Variants in GAB2 observed in about 807,000 individuals in gnomAD.
GAB2 encodes the protein GRB2 associated binding protein 2.
Under a neutral mutation model 65.5 loss-of-function variants are expected in GAB2, and 26 were observed. That is an observed-to-expected ratio of 0.40 (90% CI 0.29 to 0.55). GAB2 has a LOEUF of 0.55. Ranked by LOEUF, GAB2 falls within the 20% of genes least tolerant of loss-of-function variation. The pLI is 0.53. For missense variants in GAB2, 884 were observed against 875.8 expected, an observed-to-expected ratio of 1.01 and a Z score of -0.12; for synonymous variants, 321 against 329.6, an observed-to-expected ratio of 0.97 and a Z score of 0.28.
rs376433189 is a variant in GAB2 at position 78,280,860 on chromosome 11, C to G, written c.117G>C (p.Met39Ile). The stretch of plus-strand genomic sequence containing the variant: ...ATTCCAGAACATCTGGGTCACCGCT[C>G]ATCCGGCCACTCCGCAGGATAAACC... The part of the protein sequence containing the change: ...KRWFILRSGR[M>I]SGDPDVLEYY... The change falls in exon 2 of 10, where the codon ATG (methionine) becomes ATC (isoleucine). Residue 39 changes from methionine to isoleucine, a missense_variant. Coordinates refer to ENST00000361507, the MANE Select transcript of GAB2 (RefSeq NM_080491.3). 6.2e-7 allele frequency: 1 copy of G among 1,614,128 alleles called. No homozygotes were observed. The highest frequency in any genetic ancestry group is 1.7e-5 in the Admixed American group (1 of 60,020).
intron 3 of GAB2, 85 bp downstream of exon 3, chr11:78,250,072 C>A: frequency 7.2e-7 from 1 of 1,382,544 alleles, no homozygotes; most frequent in Non-Finnish European, 1.0e-6. Flanking sequence ...TAATGTTTTG[C>A]TTGTCTTTAA....
chr11:78,263,676 C>T (rs530842974), intron 2 of GAB2, among the ~76,000 whole-genome samples: 28 of 150,444 alleles, frequency 1.9e-4, no homozygotes, highest in Non-Finnish European at 2.8e-4. Context: ...ATATGGTAAA[C>T]TTGTACTAAC....
chr11:78,364,834 TAC>T (rs1423830224), intron 1 of GAB2, among the ~76,000 whole-genome samples: 22 of 152,340 alleles, frequency 1.4e-4, no homozygotes, highest in African/African-American at 3.1e-4. Context: ...ATTCAGTAGA[TAC>T]AGAGTGAGAT....
chr11:78,236,885 T>C, intron 3 of GAB2, among the ~76,000 whole-genome samples: 1 of 152,228 alleles, frequency 6.6e-6, no homozygotes, highest in East Asian at 1.9e-4. Context: ...AATATATATA[T>C]TGTCCCAAAC....
Position 78,218,706 on chromosome 11 carries a change from TG to T in GAB2, c.*565del, listed in dbSNP as rs2134447218. 1 of 153,344 alleles carries T rather than the reference TG, an allele frequency of 6.5e-6. No homozygotes were observed. The highest frequency in any genetic ancestry group is 1.5e-5 in the Non-Finnish European group (1 of 68,420). 9.5% of individuals were successfully genotyped at this position (153,344 alleles called of 1,614,324 possible). On this transcript the variant is annotated 3_prime_UTR_variant, in exon 10 of 10. Transcript: ENST00000361507. The stretch of plus-strand genomic sequence containing the variant: ...TAAGTCCTTTACCCCTCAAGACCAC[TG>T]CTGAGCCTCCGTCTCCACCATCTCC...
chr11:78,311,139 A>G (rs1855491853), intron 1 of GAB2, among the ~76,000 whole-genome samples: 1 of 152,228 alleles, frequency 6.6e-6, no homozygotes, highest in Non-Finnish European at 1.5e-5. Context: ...CAACTTCATA[A>G]AATATACATC....
At chr11:78,400,483 T>C (rs1856954980) in intron 1 of GAB2, among the ~76,000 whole-genome samples, 1 of 152,198 alleles carries the variant, frequency 6.6e-6, no homozygotes, top group South Asian at 2.1e-4. Flanking sequence ...TAAACACCTG[T>C]CAAAATTAAT....
intron 2 of GAB2, among the ~76,000 whole-genome samples, chr11:78,271,375 A>G (rs966264852): frequency 6.6e-6 from 1 of 152,238 alleles, no homozygotes; most frequent in Non-Finnish European, 1.5e-5. Context: ...ATGATATAGC[A>G]TCTTGATATG....
intron 1 of GAB2, among the ~76,000 whole-genome samples, chr11:78,374,541 C>T (rs940055362): frequency 6.6e-6 from 1 of 152,118 alleles, no homozygotes; most frequent in Non-Finnish European, 1.5e-5. Flanking sequence ...TACTCATCAT[C>T]CATTTCTTAA....
At chr11:78,349,338 T>G (rs1336337151) in intron 1 of GAB2, among the ~76,000 whole-genome samples, 2 of 152,216 alleles carry the variant, frequency 1.3e-5, no homozygotes, top group African/African-American at 4.8e-5. Context: ...AAAAAACATT[T>G]GATTATTAAT....
chr11:78,313,380 A>G (rs1591028707), intron 1 of GAB2, among the ~76,000 whole-genome samples: 1 of 152,210 alleles, frequency 6.6e-6, no homozygotes. Context: ...CTCAGGGTTC[A>G]ATGAATGGTT....
At chr11:78,346,051 T>C (rs1001159970) in intron 1 of GAB2, among the ~76,000 whole-genome samples, 1 of 152,196 alleles carries the variant, frequency 6.6e-6, no homozygotes, top group African/African-American at 2.4e-5. Context: ...AATTTCTCAC[T>C]AGCAAATAAT....
chr11:78,284,721 C>G (rs1426249540), intron 1 of GAB2, among the ~76,000 whole-genome samples: 1 of 151,968 alleles, frequency 6.6e-6, no homozygotes, highest in East Asian at 1.9e-4. Context: ...CTTTACTGGT[C>G]TCACAAAGCA....
At chr11:78,351,863 G>A (rs1856283488) in intron 1 of GAB2, among the ~76,000 whole-genome samples, 1 of 152,066 alleles carries the variant, frequency 6.6e-6, no homozygotes, top group Admixed American at 6.6e-5. Context: ...ACAAAAACTT[G>A]TACTTTGACA....
At chr11:78,251,247 A>G (rs1865447304) in intron 2 of GAB2, among the ~76,000 whole-genome samples, 2 of 152,184 alleles carry the variant, frequency 1.3e-5, no homozygotes, top group South Asian at 4.1e-4. Flanking sequence ...ATTAATGAGA[A>G]AAGCACAAAT....
chr11:78,407,071 G>GA (rs1053215456), intron 1 of GAB2, among the ~76,000 whole-genome samples: 3 of 151,672 alleles, frequency 2.0e-5, no homozygotes, highest in East Asian at 1.9e-4. Flanking sequence ...AAAACAGACT[G>GA]AAAAAAAATG....
In GAB2 at chr11:78,325,836, A is replaced by G. The variant is rs73496794; in HGVS notation, c.76-44935T>C. On this transcript the variant is annotated intron_variant, in intron 1 of 9. Coordinates refer to ENST00000361507, the MANE Select transcript of GAB2 (RefSeq NM_080491.3). ...TGCCAGTAGTATTGCCACAAATAAA[A>G]AAGAAAATTCACCAGAGTCTATTCC... Among the ~76,000 whole-genome samples the G allele has an allele frequency of 5.2e-3, 786 of 152,328 alleles. 5 individuals are homozygous for G. The highest frequency in any genetic ancestry group is 0.018 in the African/African-American group (758 of 41,572).
At chr11:78,233,599 T>A (rs1864906249) in intron 3 of GAB2, among the ~76,000 whole-genome samples, 1 of 151,836 alleles carries the variant, frequency 6.6e-6, no homozygotes, top group African/African-American at 2.4e-5. Flanking sequence ...TTTCTCGCAT[T>A]TTGTGATTTG....
intron 2 of GAB2, among the ~76,000 whole-genome samples, chr11:78,261,886 C>T (rs1011935496): frequency 2.0e-5 from 3 of 152,194 alleles, no homozygotes; most frequent in Non-Finnish European, 2.9e-5. Context: ...ATTAAGTTCA[C>T]ATTAATGATG....
Sources: gnomAD v4.1 joint callset for allele counts (sites outside exome capture counted in the v4.1 genomes callset) on GRCh38, gnomAD v4.1.1 for gene constraint, MANE v1.5 for transcripts, NCBI Gene and HGNC (gene_info 2026-07-23, HGNC 2026-07-21) for gene names.